The following PRR36 variants were observed in gnomAD, a reference collection of about 807,000 sequenced individuals.
PRR36 encodes the protein proline-rich protein 36.
In PRR36, 30 loss-of-function variants were observed where a neutral mutation model predicts 58.6. The ratio of observed to expected loss-of-function variants is 0.51; its 90% CI spans 0.38 to 0.69. PRR36 has a LOEUF of 0.69. PRR36 is among the 30% of genes least tolerant of loss of function. PRR36 has a pLI of 0.00. For missense variants in PRR36, 1,692 were observed against 1,805.6 expected (o/e 0.94, Z 1.14); for synonymous variants, 771 against 829.3 (o/e 0.93, Z 1.21).
rs1205881109 is a variant in PRR36 at position 7,874,094 on chromosome 19, C to T, written c.-8+192G>A. Among the ~76,000 whole-genome samples, 1 of 151,996 alleles carries T rather than the reference C, an allele frequency of 6.6e-6. No individual in the cohort carries two copies. The highest frequency in any genetic ancestry group is 1.5e-5 in the Non-Finnish European group (1 of 67,950). ...TCCCTCCAGACCCGGAGCGCACGCC[C>T]GGGTCTCCCCGCCAGCCCCCATCGG... On this transcript the variant is annotated intron_variant, in intron 1 of 5. Transcript: ENST00000618550. This position sits in a 1 kb window ranked among gnomAD's most constrained non-coding sequence, Gnocchi z 6.0.
In PRR36 at chr19:7,870,635, G is replaced by C; in HGVS notation, c.2609C>G (p.Pro870Arg). Reference protein sequence around the residue: ...ASPPLSPLATPSPQAPNALAV... With the variant: ...ASPPLSPLATRSPQAPNALAV... ...CAGAGCATTTGGGGCCTGTGGAGAG[G>C]GTGTGGCCAAAGGAGACAGAGGGGG... Residue 870 changes from proline to arginine, a missense_variant, in exon 5 of 6, where the codon CCC becomes CGC. Around this residue, in one of 5 missense-constraint regions of PRR36, gnomAD observed 171 missense variants for 146.2 expected, o/e 1.17. Transcript: ENST00000618550. 2.2e-6 allele frequency: 3 copies of C among 1,368,596 alleles called. No homozygotes were observed. The highest frequency in any genetic ancestry group is 1.9e-6 in the Non-Finnish European group (2 of 1,064,872). 84.8% of individuals were successfully genotyped at this position (1,368,596 alleles called of 1,614,324 possible).
At position 7,872,257 on chromosome 19, in the gene PRR36, G is replaced by A. The variant is rs1260348107; in HGVS notation, c.987C>T (p.Ala329=). The A allele has an allele frequency of 3.4e-5, 50 of 1,455,788 alleles. No homozygotes were observed. The highest frequency in any genetic ancestry group is 4.3e-5 in the Non-Finnish European group (48 of 1,110,112). 90.2% of individuals were successfully genotyped at this position (1,455,788 alleles called of 1,614,324 possible). A position where few individuals can be genotyped will look rare whatever the true frequency, so the allele number is the denominator to read the frequency against. The change falls in exon 5 of 6, where the codon GCC becomes GCT. Residue 329 remains alanine, a synonymous_variant. Transcript: ENST00000618550. The surrounding 1 kb of genome is among the most constrained non-coding windows in gnomAD (Gnocchi z 6.1). ...TTACCGGTGGAGAGGGAGGGAGCGT[G>A]GCTGGCAGGGGAGTGGCTGCATTGT... ...PPDNAATPLP[A]TLPPSPPVTP...
chr19:7,870,661 TGAGGCAGGGGGA>T lies in PRR36; in HGVS notation c.2571_2582del (p.Ala860_Pro863del). On this transcript the variant is annotated inframe_deletion, in exon 5 of 6. Coordinates refer to ENST00000618550, the MANE Select transcript of PRR36 (RefSeq NM_001190467.2). ...GTGTGGCCAAAGGAGACAGAGGGGG[TGAGGCAGGGGGA>T]GAGGGAGGGGCCTGCAGAGGAGGCA... is the stretch of plus-strand genomic sequence containing the variant. 2 of 796,446 alleles carry T rather than the reference TGAGGCAGGGGGA, an allele frequency of 2.5e-6. No individual in the cohort carries two copies. Among genetic ancestry groups the T allele is most frequent in the Non-Finnish European group, 3.0e-6 (2 of 670,742 alleles). 49.3% of individuals were successfully genotyped at this position (796,446 alleles called of 1,614,324 possible).
chr19:7,869,704 G>A lies in PRR36; in HGVS notation c.3529+11C>T, dbSNP rs1980284325. Reference sequence around the variant, plus strand: ...CGCCCACAGCCAGGCCGGGTCTGGGGTGCCCCTTACCTGGGGCTCCGCGGA... The same window carrying A: ...CGCCCACAGCCAGGCCGGGTCTGGGATGCCCCTTACCTGGGGCTCCGCGGA... On this transcript the variant is annotated intron_variant, in intron 5 of 5. Coordinates refer to ENST00000618550, the MANE Select transcript of PRR36 (RefSeq NM_001190467.2). 1.5e-6 allele frequency: 2 copies of A among 1,354,868 alleles called. No individual in the cohort carries two copies. The highest frequency in any genetic ancestry group is 1.7e-5 in the South Asian group (1 of 58,138). 83.9% of individuals were successfully genotyped at this position (1,354,868 alleles called of 1,614,324 possible). A position where few individuals can be genotyped will look rare whatever the true frequency, so the allele number is the denominator to read the frequency against.
chr19:7,872,073 CTGG>C lies in PRR36; in HGVS notation c.1168_1170del (p.Pro390del), dbSNP rs1396611617. ...GGTGGAACTTGCGAGGGGGGCGTGG[CTGG>C]TGGAGAGGGGAGGGTCTGCAGAGAA... On this transcript the variant is annotated inframe_deletion, in exon 5 of 6. Coordinates refer to ENST00000618550, the MANE Select transcript of PRR36 (RefSeq NM_001190467.2). This position sits in a 1 kb window ranked among gnomAD's most constrained non-coding sequence, Gnocchi z 6.1. 5.9e-6 allele frequency: 9 copies of C among 1,533,884 alleles called. No individual in the cohort carries two copies. In the Admixed American group the frequency reaches 1.2e-4, roughly 20 times the overall value.
rs1269260698 is a variant in PRR36, at chr19:7,870,755, G to T, written c.2489C>A (p.Ser830Tyr). The T allele has an allele frequency of 7.2e-7, 1 of 1,394,582 alleles. No homozygotes were observed. The highest frequency in any genetic ancestry group is 9.3e-7 in the Non-Finnish European group (1 of 1,076,406). 86.4% of individuals were successfully genotyped at this position (1,394,582 alleles called of 1,614,324 possible). The change falls in exon 5 of 6, where the codon TCT (serine) becomes TAT (tyrosine). Residue 830 changes from serine (S) to tyrosine (Y), a missense_variant. Physicochemically the swap from Ser to Tyr is moderately radical, Grantham distance 144 (BLOSUM62 -2). Transcript: ENST00000618550. ...CGTGGCCAAAGGAGACAGAGGGGGA[G>T]AGGGCAGGCCCTGCAAAGGGGGTGA... ...LASPPLQGLPSPPLSPLATPP... is the reference protein window; with the variant it reads ...LASPPLQGLPYPPLSPLATPP...
rs1440590667 is a variant in PRR36 at position 7,871,162 on chromosome 19, C to T, written c.2082G>A (p.Leu694=). 6.5e-7 allele frequency: 1 copy of T among 1,532,798 alleles called. No homozygotes were observed. The highest frequency in any genetic ancestry group is 2.0e-5 in the Admixed American group (1 of 50,546). 94.9% of individuals were successfully genotyped at this position (1,532,798 alleles called of 1,614,324 possible). Residue 694 remains leucine, a synonymous_variant, in exon 5 of 6, where the codon CTG becomes CTA. Coordinates refer to ENST00000618550, the MANE Select transcript of PRR36 (RefSeq NM_001190467.2). ...TIHPLQALSS[L]ASHSPQAPLS... Reference sequence around the variant, plus strand: ...GAGGTGCCTGAGGAGAGTGGGAGGCCAGAGAAGATAGCGCCTGCAGAGGGT... The same window carrying T: ...GAGGTGCCTGAGGAGAGTGGGAGGCTAGAGAAGATAGCGCCTGCAGAGGGT...
At position 7,871,838 on chromosome 19, in the gene PRR36, G is replaced by A; in HGVS notation, c.1406C>T (p.Ser469Phe). The A allele has an allele frequency of 2.0e-6, 3 of 1,535,952 alleles. No individual in the cohort carries two copies. The highest frequency in any genetic ancestry group is 8.7e-7 in the Non-Finnish European group (1 of 1,146,868). Residue 469 changes from serine to phenylalanine, a missense_variant, in exon 5 of 6, where the codon TCT becomes TTT. Ser to Phe is a radical substitution (Grantham distance 155). Coordinates refer to ENST00000618550, the MANE Select transcript of PRR36 (RefSeq NM_001190467.2). ...CGAATTCCCCAGAGATGTTGCCGGAGAAACAGGGCCTTGTAGAGGAGACAT... is the reference window on the plus strand; with the variant it reads ...CGAATTCCCCAGAGATGTTGCCGGAAAAACAGGGCCTTGTAGAGGAGACAT... ...SAMSPLQGPV[S>F]PATSLGNSAF... is the part of the protein sequence containing the mutation.
rs1980497673 is a variant in PRR36 at position 7,872,278 on chromosome 19, A to T, written c.966T>A (p.Asn322Lys). The T allele has an allele frequency of 6.9e-7, 1 of 1,455,944 alleles. No individual in the cohort carries two copies. Among genetic ancestry groups the T allele is most frequent in the African/African-American group, 1.4e-5 (1 of 70,084 alleles). The allele number at this position is 1,455,944 out of a possible 1,614,324, so 90.2% of individuals were successfully genotyped here. The change falls in exon 5 of 6, where the codon AAT becomes AAA. Residue 322 changes from asparagine to lysine, a missense_variant. Around this residue, in one of 5 missense-constraint regions of PRR36, gnomAD observed 975 missense variants for 955.2 expected, o/e 1.02. Coordinates refer to ENST00000618550, the MANE Select transcript of PRR36 (RefSeq NM_001190467.2). This position sits in a 1 kb window ranked among gnomAD's most constrained non-coding sequence, Gnocchi z 6.1. ...GCGTGGCTGGCAGGGGAGTGGCTGCATTGTCGGGAGGCGGTACGGGTCTTG... is the reference window on the plus strand; with the variant it reads ...GCGTGGCTGGCAGGGGAGTGGCTGCTTTGTCGGGAGGCGGTACGGGTCTTG... ...TKARPVPPPD[N>K]AATPLPATLP...
In PRR36 at chr19:7,872,688, C is replaced by G. The variant is rs1334496109; in HGVS notation, c.556G>C (p.Glu186Gln). 1 of 1,449,490 alleles carries G rather than the reference C, an allele frequency of 6.9e-7. No homozygotes were observed. The highest frequency in any genetic ancestry group is 2.7e-5 in the Admixed American group (1 of 37,380). 89.8% of individuals were successfully genotyped at this position (1,449,490 alleles called of 1,614,324 possible). A position where few individuals can be genotyped will look rare whatever the true frequency, so the allele number is the denominator to read the frequency against. The change falls in exon 5 of 6, where the codon GAG (glutamate) becomes CAG (glutamine). Residue 186 changes from glutamate (E) to glutamine (Q), a missense_variant. By Grantham distance (29) the Glu-to-Gln change is conservative (BLOSUM62 2). Coordinates refer to ENST00000618550, the MANE Select transcript of PRR36 (RefSeq NM_001190467.2). The surrounding 1 kb of genome is among the most constrained non-coding windows in gnomAD (Gnocchi z 6.1). ...GGAGCTGGCCGGGGGAGCCCCACCTCGGTGCCCGCAGCCCGGGACCGACGG... is the reference window on the plus strand; with the variant it reads ...GGAGCTGGCCGGGGGAGCCCCACCTGGGTGCCCGCAGCCCGGGACCGACGG... Reference protein sequence around the residue: ...MARRSRAAGTEVGLPRPAPSA... With the variant: ...MARRSRAAGTQVGLPRPAPSA...
In PRR36 at chr19:7,872,317, T is replaced by A. The variant is rs1980501479; in HGVS notation, c.927A>T (p.Pro309=). 1 of 1,453,314 alleles carries A rather than the reference T, an allele frequency of 6.9e-7. No individual in the cohort carries two copies. Among genetic ancestry groups the A allele is most frequent in the Non-Finnish European group, 9.0e-7 (1 of 1,109,522 alleles). 90.0% of individuals were successfully genotyped at this position (1,453,314 alleles called of 1,614,324 possible). Residue 309 remains proline (P), a synonymous_variant, in exon 5 of 6, where the codon CCA becomes CCT. Transcript: ENST00000618550. The surrounding 1 kb of genome is among the most constrained non-coding windows in gnomAD (Gnocchi z 6.1). The part of the protein sequence containing the change: ...LSSSPLATPS[P]SGTKARPVPP... ...GTACGGGTCTTGCCTTGGTACCCGA[T>A]GGAGAGGGTGTGGCCAAAGGAGAGG...
chr19:7,869,133 T>G lies in PRR36; in HGVS notation c.3941A>C (p.Glu1314Ala). 2 of 1,535,268 alleles carry G rather than the reference T, an allele frequency of 1.3e-6. No homozygotes were observed. The highest frequency in any genetic ancestry group is 1.7e-6 in the Non-Finnish European group (2 of 1,146,644). ...RWAELLSPLD[E>A]SRASITSVTS... ...GACCGAGGTGATGCTGGCACGGGAC[T>G]CGTCCAGGGGAGACAGTAGTTCGGC... Residue 1314 changes from glutamate to alanine, a missense_variant, in exon 6 of 6, where the codon GAG (glutamate) becomes GCG (alanine). Glu to Ala is a moderately radical substitution (Grantham distance 107, BLOSUM62 -1). This residue lies in a region of PRR36 where 485 missense variants were observed against 549.2 expected (regional missense o/e 0.88). Coordinates refer to ENST00000618550, the MANE Select transcript of PRR36 (RefSeq NM_001190467.2).
Position 7,872,647 on chromosome 19 carries a change from C to T in PRR36, c.597G>A (p.Arg199=). The change falls in exon 5 of 6, where the codon CGG becomes CGA. Residue 199 remains arginine (R), a synonymous_variant. Transcript: ENST00000618550. This position sits in a 1 kb window ranked among gnomAD's most constrained non-coding sequence, Gnocchi z 6.1. ...ATTTCCGGGGGCCCTCTGTCGGGGG[C>T]CGTGGCCGGGCACTCGGAGCTGGCC... ...LPRPAPSARP[R]PPTEGPRKSV... 6.8e-7 allele frequency: 1 copy of T among 1,474,562 alleles called. No individual in the cohort carries two copies. Among genetic ancestry groups the T allele is most frequent in the African/African-American group, 1.4e-5 (1 of 70,620 alleles). The allele number at this position is 1,474,562 out of a possible 1,614,324, so 91.3% of individuals were successfully genotyped here.
Position 7,870,778 on chromosome 19 carries a change from T to C in PRR36, c.2466A>G (p.Ser822=), listed in dbSNP as rs1479269864. Residue 822 remains serine (S), a synonymous_variant, in exon 5 of 6, where the codon TCA becomes TCG. Transcript: ENST00000618550. ...GAGAGGGCAGGCCCTGCAAAGGGGGTGAGGCCAGAGCAGGTGGGGCCTGTG... is the reference window on the plus strand; with the variant it reads ...GAGAGGGCAGGCCCTGCAAAGGGGGCGAGGCCAGAGCAGGTGGGGCCTGTG... The part of the protein sequence containing the change: ...PPPQAPPALA[S]PPLQGLPSPP... The C allele has an allele frequency of 3.9e-6, 5 of 1,296,240 alleles. No homozygotes were observed. Among genetic ancestry groups the C allele is most frequent in the South Asian group, 1.8e-5 (1 of 55,446 alleles). 80.3% of individuals were successfully genotyped at this position (1,296,240 alleles called of 1,614,324 possible). A position where few individuals can be genotyped will look rare whatever the true frequency, so the allele number is the denominator to read the frequency against.
At chr19:7,869,673 C>T in intron 5 of PRR36, 42 bp downstream of exon 5, 5 of 1,378,326 alleles carry the variant, frequency 3.6e-6, no homozygotes, top group Non-Finnish European at 4.7e-6. Flanking sequence ...GCCTCGCCTC[C>T]GACCCCGCCC....
In PRR36 at chr19:7,869,753, C is replaced by G. The variant is rs2145064951; in HGVS notation, c.3491G>C (p.Arg1164Pro). Residue 1164 changes from arginine to proline, a missense_variant, in exon 5 of 6, where the codon CGA (arginine) becomes CCA (proline). Arg to Pro is a moderately radical substitution (Grantham distance 103). Around this residue, in one of 5 missense-constraint regions of PRR36, gnomAD observed 485 missense variants for 549.2 expected, o/e 0.88. Coordinates refer to ENST00000618550, the MANE Select transcript of PRR36 (RefSeq NM_001190467.2). ...LAACHPAAWS[R>P]GPAPPLAFRG... Reference sequence around the variant, plus strand: ...GAAAGCCAGCGGCGGAGCGGGGCCTCGACTCCAGGCAGCCGGGTGGCAAGC... The same window carrying G: ...GAAAGCCAGCGGCGGAGCGGGGCCTGGACTCCAGGCAGCCGGGTGGCAAGC... 4 of 1,358,342 alleles carry G rather than the reference C, an allele frequency of 2.9e-6. No individual in the cohort carries two copies. The South Asian group carries it at 6.9e-5, about 24-fold the overall frequency. The allele number at this position is 1,358,342 out of a possible 1,614,324, so 84.1% of individuals were successfully genotyped here.
Position 7,870,043 on chromosome 19 carries a change from A to G in PRR36, c.3201T>C (p.Ser1067=). The change falls in exon 5 of 6, where the codon TCT becomes TCC. Residue 1067 remains serine, a synonymous_variant. Transcript: ENST00000618550. ...CCTGCAGGGTGGGTGAGGCAGGGGGAGAGGGAGGGACCTGCAGAAGGGGCG... is the reference window on the plus strand; with the variant it reads ...CCTGCAGGGTGGGTGAGGCAGGGGGGGAGGGAGGGACCTGCAGAAGGGGCG... ...LAAPLLQVPP[S]PPASPTLQAP... The G allele has an allele frequency of 2.1e-6, 3 of 1,453,538 alleles. No homozygotes were observed. The highest frequency in any genetic ancestry group is 1.5e-5 in the African/African-American group (1 of 68,352). The allele number at this position is 1,453,538 out of a possible 1,614,324, so 90.0% of individuals were successfully genotyped here.
At position 7,872,631 on chromosome 19, in the gene PRR36, G is replaced by A; in HGVS notation, c.613C>T (p.Pro205Ser). ...SARPRPPTEGPRKSVSSASEH... is the reference protein window; with the variant it reads ...SARPRPPTEGSRKSVSSASEH... ...GAGGCGCTGCTCACTGATTTCCGGG[G>A]GCCCTCTGTCGGGGGCCGTGGCCGG... The change falls in exon 5 of 6, where the codon CCC (proline) becomes TCC (serine). Residue 205 changes from proline to serine, a missense_variant. Pro to Ser is a moderately conservative substitution (Grantham distance 74). This residue lies in a region of PRR36 where 975 missense variants were observed against 955.2 expected (regional missense o/e 1.02). Coordinates refer to ENST00000618550, the MANE Select transcript of PRR36 (RefSeq NM_001190467.2). The surrounding 1 kb of genome is among the most constrained non-coding windows in gnomAD (Gnocchi z 6.1). 6.7e-7 allele frequency: 1 copy of A among 1,491,230 alleles called. No homozygotes were observed. The highest frequency in any genetic ancestry group is 8.9e-7 in the Non-Finnish European group (1 of 1,126,508). The allele number at this position is 1,491,230 out of a possible 1,614,324, so 92.4% of individuals were successfully genotyped here.
In PRR36 at chr19:7,873,143, G is replaced by T; in HGVS notation, c.374+54C>A. The T allele has an allele frequency of 6.7e-7, 1 of 1,502,734 alleles. No individual in the cohort carries two copies. Among genetic ancestry groups the T allele is most frequent in the Non-Finnish European group, 9.0e-7 (1 of 1,116,912 alleles). 93.1% of individuals were successfully genotyped at this position (1,502,734 alleles called of 1,614,324 possible). ...AACTCGTGTAAAATAAAAGGTTCCA[G>T]ACTCTGTGACGCTAACCCTGGCTTA... On this transcript the variant is annotated intron_variant, in intron 3 of 5. Coordinates refer to ENST00000618550, the MANE Select transcript of PRR36 (RefSeq NM_001190467.2). The surrounding 1 kb of genome is among the most constrained non-coding windows in gnomAD (Gnocchi z 5.0).
Sources: allele counts gnomAD v4.1 joint callset (sites outside exome capture counted in the v4.1 genomes callset), GRCh38; gene constraint gnomAD v4.1.1; regional missense constraint gnomAD v4.1.1; non-coding constraint Gnocchi (gnomAD v3.1); transcripts MANE v1.5; gene names NCBI Gene and HGNC (gene_info 2026-07-23, HGNC 2026-07-21).